HJURP: variants seen among roughly 807,000 people sequenced by gnomAD.
HJURP encodes Holliday junction recognition protein.
In HJURP, 49 loss-of-function variants were observed where a neutral mutation model predicts 72.0. The observed-to-expected ratio is 0.68, with a 90% CI of 0.54 to 0.86. HJURP has a LOEUF of 0.86. Among genes scored for constraint, HJURP ranks in the 40% least tolerant of loss-of-function variants. The pLI is 0.00. For synonymous variants in HJURP, 357 were observed against 347.1 expected (o/e 1.03, Z -0.32); for missense variants, 908 against 936.3 (o/e 0.97, Z 0.39).
rs191920635 is a variant in HJURP, at chr2:233,840,650, C to T, written c.2130G>A (p.Pro710=). 5.9e-5 allele frequency: 95 copies of T among 1,609,622 alleles called. No homozygotes were observed. The East Asian group carries it at 1.4e-3, about 24-fold the overall frequency. The part of the protein sequence containing the change: ...ASDGVDNTVR[P]GDQGSSSQPN... ...GCTGTGAAGAGCTGCCCTGGTCTCC[C>T]GGTCTGACGGTGTTGTCCACCCCAT... The change falls in exon 8 of 9, where the codon CCG becomes CCA. Residue 710 remains proline, a synonymous_variant. Transcript: ENST00000411486.
Position 233,837,283 on chromosome 2 carries a change from C to G in HJURP, c.*294G>C, listed in dbSNP as rs13415206. 17,734 of 322,908 alleles carry G rather than the reference C, an allele frequency of 0.055. 732 individuals carry two copies. The highest frequency in any genetic ancestry group is 0.12 in the East Asian group (1,645 of 13,568). The allele number at this position is 322,908 out of a possible 1,614,324, so 20.0% of individuals were successfully genotyped here. A position where few individuals can be genotyped will look rare whatever the true frequency, so the allele number is the denominator to read the frequency against. ...CCTGGGCGATAGAGAGAGACTGTCT[C>G]AAAAACAAACAAACAAACAAACAAA... On this transcript the variant is annotated 3_prime_UTR_variant, in exon 9 of 9. Transcript: ENST00000411486.
At position 233,841,708 on chromosome 2, in the gene HJURP, C is replaced by G; in HGVS notation, c.1072G>C (p.Ala358Pro). Residue 358 changes from alanine (A) to proline (P), a missense_variant, in exon 8 of 9, where the codon GCT becomes CCT. Transcript: ENST00000411486. ...CRKTGLKLEK[A>P]FLEVNRPQIH... Reference sequence around the variant, plus strand: ...TGGGGTCTGTTGACTTCAAGAAAAGCTTTTTCCAATTTTAAACCTGTCTTA... The same window carrying G: ...TGGGGTCTGTTGACTTCAAGAAAAGGTTTTTCCAATTTTAAACCTGTCTTA... 6.2e-7 allele frequency: 1 copy of G among 1,614,148 alleles called. No individual in the cohort carries two copies. Among genetic ancestry groups the G allele is most frequent in the South Asian group, 1.1e-5 (1 of 91,068 alleles).
At chr2:233,854,115 G>C (rs930451754) in intron 1 of HJURP, among the ~76,000 whole-genome samples, 1 of 151,616 alleles carries the variant, frequency 6.6e-6, no homozygotes, top group Non-Finnish European at 1.5e-5. Context: ...CTCTGCACCC[G>C]AGCCCCAGGC....
Position 233,841,131 on chromosome 2 carries a change from C to A in HJURP, c.1649G>T (p.Gly550Val). The A allele has an allele frequency of 6.2e-7, 1 of 1,614,086 alleles. No homozygotes were observed. The part of the protein sequence containing the change: ...SDLHVQGNSS[G>V]IFRKSVSPSK... ...GGGTGACACTGACTTTCTAAATATT[C>A]CAGAACTATTTCCCTGAACGTGAAG... The change falls in exon 8 of 9, where the codon GGA becomes GTA. Residue 550 changes from glycine to valine, a missense_variant. Around this residue, in one of 3 missense-constraint regions of HJURP, gnomAD observed 598 missense variants for 619.5 expected, o/e 0.97. Coordinates refer to ENST00000411486, the MANE Select transcript of HJURP (RefSeq NM_018410.5).
Position 233,840,670 on chromosome 2 carries a change from C to T in HJURP, c.2110G>A (p.Val704Met), listed in dbSNP as rs764962556. ...QGNSLGASDG[V>M]DNTVRPGDQG... ...TCTCCCGGTCTGACGGTGTTGTCCA[C>T]CCCATCTGAGGCACCCAGGGAATTG... The change falls in exon 8 of 9, where the codon GTG becomes ATG. Residue 704 changes from valine to methionine, a missense_variant. Around this residue, in one of 3 missense-constraint regions of HJURP, gnomAD observed 598 missense variants for 619.5 expected, o/e 0.97. Coordinates refer to ENST00000411486, the MANE Select transcript of HJURP (RefSeq NM_018410.5). 22 of 1,613,688 alleles carry T rather than the reference C, an allele frequency of 1.4e-5. No individual in the cohort carries two copies. Among genetic ancestry groups the T allele is most frequent in the Non-Finnish European group, 1.8e-5 (21 of 1,179,922 alleles).
At chr2:233,854,046 C>A in intron 1 of HJURP, 136 bp from the exon 2 acceptor site, 1 of 703,826 alleles carries the variant, frequency 1.4e-6, no homozygotes, top group Non-Finnish European at 2.4e-6. Context: ...GCAGCGGAGC[C>A]CCCAACTCCG....
At position 233,843,021 on chromosome 2, in the gene HJURP, C is replaced by T. The variant is rs940838614; in HGVS notation, c.575-816G>A. 3.3e-5 allele frequency among the ~76,000 whole-genome samples: 5 copies of T among 152,052 alleles called. No individual in the cohort carries two copies. In the East Asian group the frequency reaches 5.8e-4, roughly 18 times the overall value. ...GTTACTTGAGCGTCAAATTGCATAC[C>T]GGCAATGGATTATAACATGTGAATC... On this transcript the variant is annotated intron_variant, in intron 7 of 8. Transcript: ENST00000411486.
chr2:233,847,452 C>G lies in HJURP; in HGVS notation c.347G>C (p.Ser116Thr), dbSNP rs1222532773. Reference sequence around the variant, plus strand: ...GTCTGACGTGGCATCGACCTCACCGCTTTTTGAATCTAAAAGTCAAACAAG... The same window carrying G: ...GTCTGACGTGGCATCGACCTCACCGGTTTTTGAATCTAAAAGTCAAACAAG... ...HRTVLGADSK[S>T]GEVDATSDQE... is the part of the protein sequence containing the mutation. The change falls in exon 5 of 9, where the codon AGC becomes ACC. Residue 116 changes from serine (S) to threonine (T), a missense_variant. This residue lies in a region of HJURP where 299 missense variants were observed against 286.7 expected (regional missense o/e 1.04). Coordinates refer to ENST00000411486, the MANE Select transcript of HJURP (RefSeq NM_018410.5). 6 of 1,613,946 alleles carry G rather than the reference C, an allele frequency of 3.7e-6. No individual in the cohort carries two copies. The highest frequency in any genetic ancestry group is 4.5e-5 in the East Asian group (2 of 44,886).
At chr2:233,850,495 T>C (rs1705472254) in intron 3 of HJURP, among the ~76,000 whole-genome samples, 1 of 152,148 alleles carries the variant, frequency 6.6e-6, no homozygotes, top group African/African-American at 2.4e-5. Flanking sequence ...TTCTCAGTAA[T>C]GAAATTCAAG....
chr2:233,848,176 G>A (rs1266661770), intron 4 of HJURP, among the ~76,000 whole-genome samples: 1 of 152,128 alleles, frequency 6.6e-6, no homozygotes, highest in Non-Finnish European at 1.5e-5. Flanking sequence ...ACTGGGCAGA[G>A]GGGGACAGAG....
In HJURP at chr2:233,849,751, G is replaced by A; in HGVS notation, c.337+12C>T. 6.5e-7 allele frequency: 1 copy of A among 1,540,256 alleles called. No homozygotes were observed. Among genetic ancestry groups the A allele is most frequent in the Non-Finnish European group, 8.8e-7 (1 of 1,137,784 alleles). The stretch of plus-strand genomic sequence containing the variant: ...CTCCTGACTTCAGTTCTCTGACGAA[G>A]GCAACACTCACCGGCTCCCAGGACT... On this transcript the variant is annotated intron_variant, in intron 4 of 8. Transcript: ENST00000411486.
Position 233,841,474 on chromosome 2 carries a change from T to A in HJURP, c.1306A>T (p.Ile436Phe). 6.2e-7 allele frequency: 1 copy of A among 1,614,162 alleles called. No homozygotes were observed. The highest frequency in any genetic ancestry group is 8.5e-7 in the Non-Finnish European group (1 of 1,180,036). Reference sequence around the variant, plus strand: ...TCCCGATGAAGCTGATCAAATCGGATTTCAATCTCCCTCTGACGGTTCTCT... The same window carrying A: ...TCCCGATGAAGCTGATCAAATCGGAATTCAATCTCCCTCTGACGGTTCTCT... ...HGENRQREIE[I>F]RFDQLHREYC... Residue 436 changes from isoleucine to phenylalanine, a missense_variant, in exon 8 of 9, where the codon ATC becomes TTC. Coordinates refer to ENST00000411486, the MANE Select transcript of HJURP (RefSeq NM_018410.5).
chr2:233,847,108 C>T (rs1399379858), intron 5 of HJURP, among the ~76,000 whole-genome samples: 7 of 152,204 alleles, frequency 4.6e-5, no homozygotes, highest in African/African-American at 1.7e-4. Context: ...GCAGATGGCG[C>T]CCTGCCAACC....
At position 233,846,151 on chromosome 2, in the gene HJURP, A is replaced by G. The variant is rs1705357054; in HGVS notation, c.403-331T>C. 9.7e-6 allele frequency: 2 copies of G among 206,652 alleles called. No individual in the cohort carries two copies. The highest frequency in any genetic ancestry group is 2.0e-5 in the Non-Finnish European group (2 of 101,894). The allele number at this position is 206,652 out of a possible 1,614,324, so 12.8% of individuals were successfully genotyped here. On this transcript the variant is annotated intron_variant, in intron 5 of 8. Coordinates refer to ENST00000411486, the MANE Select transcript of HJURP (RefSeq NM_018410.5). This position sits in a 1 kb window ranked among gnomAD's most constrained non-coding sequence, Gnocchi z 4.3. ...GTAATAACTTCAAACTGGTAAGTTT[A>G]TAAGAAATTCAGTGCTCCTGGCTGG...
In HJURP at chr2:233,845,744, C is replaced by T. The variant is rs1466230845; in HGVS notation, c.479G>A (p.Gly160Asp). 3 of 1,607,828 alleles carry T rather than the reference C, an allele frequency of 1.9e-6. No homozygotes were observed. Among genetic ancestry groups the T allele is most frequent in the Non-Finnish European group, 2.6e-6 (3 of 1,174,512 alleles). Residue 160 changes from glycine to aspartate, a missense_variant, in exon 6 of 9, where the codon GGT (glycine) becomes GAT (aspartate). Gly to Asp is a moderately conservative substitution (Grantham distance 94). Around this residue, in one of 3 missense-constraint regions of HJURP, gnomAD observed 299 missense variants for 286.7 expected, o/e 1.04. Transcript: ENST00000411486. ...YLTQVDILLQ[G>D]AEYFECAGNR... The stretch of plus-strand genomic sequence containing the variant: ...ACAGATTACCTCAAAATACTCTGCA[C>T]CTTGTAGCAGTATATCCACTTGGGT...
intron 6 of HJURP, among the ~76,000 whole-genome samples, chr2:233,844,978 C>A (rs898520949): frequency 6.0e-5 from 9 of 150,550 alleles, no homozygotes; most frequent in African/African-American, 2.2e-4. Flanking sequence ...CCCCCCCTCC[C>A]AACATGACCT....
chr2:233,845,072 C>A (rs2124968494), intron 6 of HJURP, among the ~76,000 whole-genome samples: 1 of 152,192 alleles, frequency 6.6e-6, no homozygotes, highest in African/African-American at 2.4e-5. Flanking sequence ...AATGTGGGGA[C>A]TATTGCTTCC....
In HJURP at chr2:233,840,663, T is replaced by C; in HGVS notation, c.2117A>G (p.Asn706Ser). Residue 706 changes from asparagine to serine, a missense_variant, in exon 8 of 9, where the codon AAC becomes AGC. Coordinates refer to ENST00000411486, the MANE Select transcript of HJURP (RefSeq NM_018410.5). ...GCCCTGGTCTCCCGGTCTGACGGTG[T>C]TGTCCACCCCATCTGAGGCACCCAG... ...NSLGASDGVD[N>S]TVRPGDQGSS... 6.2e-7 allele frequency: 1 copy of C among 1,612,942 alleles called. No individual in the cohort carries two copies. The highest frequency in any genetic ancestry group is 8.5e-7 in the Non-Finnish European group (1 of 1,179,744).
Position 233,837,285 on chromosome 2 carries a change from AAAACAAACAAAC to A in HJURP, c.*280_*291del, listed in dbSNP as rs76861089. Reference sequence around the variant, plus strand: ...TGGGCGATAGAGAGAGACTGTCTCAAAAACAAACAAACAAACAAACAAACAAACAAATAACCC... The same window carrying A: ...TGGGCGATAGAGAGAGACTGTCTCAAAAACAAACAAACAAACAAATAACCC... On this transcript the variant is annotated 3_prime_UTR_variant, in exon 9 of 9. Transcript: ENST00000411486. 46 of 283,914 alleles carry A rather than the reference AAAACAAACAAAC, an allele frequency of 1.6e-4. No homozygotes were observed. The highest frequency in any genetic ancestry group is 3.8e-4 in the South Asian group (8 of 21,038). The allele number at this position is 283,914 out of a possible 1,614,324, so 17.6% of individuals were successfully genotyped here.
Sources: allele counts gnomAD v4.1 joint callset (sites outside exome capture counted in the v4.1 genomes callset), GRCh38; gene constraint gnomAD v4.1.1; regional missense constraint gnomAD v4.1.1; non-coding constraint Gnocchi (gnomAD v3.1); transcripts MANE v1.5; gene names NCBI Gene and HGNC (gene_info 2026-07-23, HGNC 2026-07-21).